Variants in HIF1AN observed in about 807,000 individuals in gnomAD.
HIF1AN encodes hypoxia inducible factor 1 subunit alpha inhibitor.
In HIF1AN, 21 loss-of-function variants were observed where a neutral mutation model predicts 47.7. The ratio of observed to expected loss-of-function variants is 0.44; its 90% CI spans 0.31 to 0.63. The LOEUF (loss-of-function observed/expected upper bound fraction) is 0.63. Ranked by LOEUF, HIF1AN falls within the 30% of genes least tolerant of loss-of-function variation. The probability of loss-of-function intolerance (pLI) is 0.07; values close to 1 mark genes in which losing one functional copy is unlikely to be tolerated. For missense variants in HIF1AN, 320 were observed against 432.7 expected (o/e 0.74, Z 2.31); for synonymous variants, 152 against 155.9 (o/e 0.98, Z 0.18).
intron 3 of HIF1AN, among the ~76,000 whole-genome samples, chr10:100,542,846 G>GTTTTTTTTTTTTTTTTTTT (rs397730143): frequency 8.9e-6 from 1 of 111,762 alleles, no homozygotes; most frequent in Non-Finnish European, 1.7e-5. Context: ...ATGTGAATGT[G>GTTTTTTTTTTTTTTTTTTT]TTTTTTTTTT....
rs1843165841 is a variant in HIF1AN, at chr10:100,551,947, C to T, written c.*3810C>T. 6.6e-6 allele frequency: 1 copy of T among 152,258 alleles called. No homozygotes were observed. 9.4% of individuals were successfully genotyped at this position (152,258 alleles called of 1,614,324 possible). On this transcript the variant is annotated 3_prime_UTR_variant, in exon 8 of 8. Transcript: ENST00000299163. ...AGCCTCTGGGCTCCCCCGAGAGGGC[C>T]TCGCTACTCTACGCTTCCTAGCAAC...
rs373812073 is a variant in HIF1AN, at chr10:100,558,446, AAC to A, written c.*10312_*10313del. 1.6e-3 allele frequency: 246 copies of A among 152,310 alleles called. No individual in the cohort carries two copies. Among genetic ancestry groups the A allele is most frequent in the African/African-American group, 5.4e-3 (226 of 41,566 alleles). 9.4% of individuals were successfully genotyped at this position (152,310 alleles called of 1,614,324 possible). ...TGACACCCCATCTCTTGAAAAAACA[AAC>A]ACTCTTAAGAGCAGTGGTTCACCTA... On this transcript the variant is annotated 3_prime_UTR_variant, in exon 8 of 8. Transcript: ENST00000299163.
chr10:100,539,752 A>T (rs2133722573), intron 2 of HIF1AN, among the ~76,000 whole-genome samples: 1 of 152,290 alleles, frequency 6.6e-6, no homozygotes, highest in South Asian at 2.1e-4. Context: ...GTAAATAAGC[A>T]AGCCTGGCTT....
chr10:100,545,144 A>C, intron 4 of HIF1AN, 48 bp downstream of exon 4: 1 of 1,580,900 alleles, frequency 6.3e-7, no homozygotes, highest in East Asian at 2.3e-5. Context: ...GATTCTAGTA[A>C]TGCCTAGGCT....
At chr10:100,546,803 G>T (rs1843098372) in intron 6 of HIF1AN, among the ~76,000 whole-genome samples, 1 of 151,988 alleles carries the variant, frequency 6.6e-6, no homozygotes, top group Non-Finnish European at 1.5e-5. Context: ...GCAGTGGCGT[G>T]ATCTCGGCTC....
Position 100,536,636 on chromosome 10 carries a change from A to G in HIF1AN, c.403A>G (p.Ile135Val). 1.2e-6 allele frequency: 2 copies of G among 1,614,240 alleles called. No individual in the cohort carries two copies. Among genetic ancestry groups the G allele is most frequent in the Non-Finnish European group, 8.5e-7 (1 of 1,180,040 alleles). The change falls in exon 2 of 8, where the codon ATA becomes GTA. Residue 135 changes from isoleucine to valine, a missense_variant. Transcript: ENST00000299163. ...TGAGTTCGTTGAGAAACTGCAGGATATACAGCAGCGAGGAGGGGAAGAGAG... is the reference window on the plus strand; with the variant it reads ...TGAGTTCGTTGAGAAACTGCAGGATGTACAGCAGCGAGGAGGGGAAGAGAG... ...FHEFVEKLQD[I>V]QQRGGEERLY... is the part of the protein sequence containing the mutation.
At chr10:100,542,024 G>C (rs1843038493) in intron 3 of HIF1AN, among the ~76,000 whole-genome samples, 1 of 151,262 alleles carries the variant, frequency 6.6e-6, no homozygotes, top group East Asian at 1.9e-4. Context: ...CCTAAATATA[G>C]AAAAGGTATA....
At position 100,550,318 on chromosome 10, in the gene HIF1AN, A is replaced by G. The variant is rs144087843; in HGVS notation, c.*2181A>G. ...TTGGGTAACACAAGAGTGATTCCTGATTTTTAGACACCTAATATGTGCCTA... is the reference window on the plus strand; with the variant it reads ...TTGGGTAACACAAGAGTGATTCCTGGTTTTTAGACACCTAATATGTGCCTA... On this transcript the variant is annotated 3_prime_UTR_variant, in exon 8 of 8. Transcript: ENST00000299163. 1.6e-3 allele frequency: 246 copies of G among 152,282 alleles called. No homozygotes were observed. Among genetic ancestry groups the G allele is most frequent in the African/African-American group, 5.4e-3 (226 of 41,552 alleles). 9.4% of individuals were successfully genotyped at this position (152,282 alleles called of 1,614,324 possible). A position where few individuals can be genotyped will look rare whatever the true frequency, so the allele number is the denominator to read the frequency against.
In HIF1AN at chr10:100,549,848, A is replaced by T. The variant is rs896500528; in HGVS notation, c.*1711A>T. The T allele has an allele frequency of 3.5e-4, 53 of 150,882 alleles. No individual in the cohort carries two copies. The highest frequency in any genetic ancestry group is 1.1e-3 in the African/African-American group (45 of 40,944). 9.3% of individuals were successfully genotyped at this position (150,882 alleles called of 1,614,324 possible). ...TATAGTGCACTGATGAACTGAGAGG[A>T]TGCGTGTGGATGTGTGTGCATGCCT... On this transcript the variant is annotated 3_prime_UTR_variant, in exon 8 of 8. Coordinates refer to ENST00000299163, the MANE Select transcript of HIF1AN (RefSeq NM_017902.3).
chr10:100,538,549 G>A (rs1472776862), intron 2 of HIF1AN, among the ~76,000 whole-genome samples: 1 of 152,088 alleles, frequency 6.6e-6, no homozygotes, highest in Non-Finnish European at 1.5e-5. Context: ...TTCCTATTAA[G>A]GCTGGGCATG....
At chr10:100,546,464 C>T (rs1843094970) in intron 5 of HIF1AN, 54 bp from the exon 6 acceptor site, 2 of 1,241,058 alleles carry the variant, frequency 1.6e-6, no homozygotes, top group African/African-American at 1.5e-5. Context: ...CTTCGCCCCT[C>T]CGCCCCCGCC....
At chr10:100,544,747 A>G (rs1843078103) in intron 3 of HIF1AN, among the ~76,000 whole-genome samples, 1 of 152,156 alleles carries the variant, frequency 6.6e-6, no homozygotes, top group Non-Finnish European at 1.5e-5. Flanking sequence ...TTAACCAGTG[A>G]TGTTTGCTAG....
rs1441207184 is a variant in HIF1AN, at chr10:100,555,052, C to T, written c.*6915C>T. 1 of 152,110 alleles carries T rather than the reference C, an allele frequency of 6.6e-6. No homozygotes were observed. Among genetic ancestry groups the T allele is most frequent in the Non-Finnish European group, 1.5e-5 (1 of 68,022 alleles). The allele number at this position is 152,110 out of a possible 1,614,324, so 9.4% of individuals were successfully genotyped here. A position where few individuals can be genotyped will look rare whatever the true frequency, so the allele number is the denominator to read the frequency against. ...TGTCCAGTTTTTTATGGTAGGCTTCCTGCAGAAAGTGATAAGTCCAAGCTG... is the reference window on the plus strand; with the variant it reads ...TGTCCAGTTTTTTATGGTAGGCTTCTTGCAGAAAGTGATAAGTCCAAGCTG... On this transcript the variant is annotated 3_prime_UTR_variant, in exon 8 of 8. Transcript: ENST00000299163.
At position 100,555,738 on chromosome 10, in the gene HIF1AN, CT is replaced by C. The variant is rs1476843640; in HGVS notation, c.*7602del. 6.6e-6 allele frequency: 1 copy of C among 152,248 alleles called. No homozygotes were observed. Among genetic ancestry groups the C allele is most frequent in the Admixed American group, 6.5e-5 (1 of 15,280 alleles). 9.4% of individuals were successfully genotyped at this position (152,248 alleles called of 1,614,324 possible). ...TTGGAAACCTTCTCTTTGGCTCTAG[CT>C]AATTTTGCTGTTTTATTCCGTTTAC... On this transcript the variant is annotated 3_prime_UTR_variant, in exon 8 of 8. Transcript: ENST00000299163.
At chr10:100,540,351 A>C (rs1843014140) in intron 2 of HIF1AN, among the ~76,000 whole-genome samples, 1 of 152,114 alleles carries the variant, frequency 6.6e-6, no homozygotes, top group Admixed American at 6.5e-5. Flanking sequence ...GCTTGAGCCC[A>C]AGAGTTTAAG....
chr10:100,536,122 T>G lies in HIF1AN; in HGVS notation c.164T>G (p.Leu55Arg). Residue 55 changes from leucine (L) to arginine (R), a missense_variant, in exon 1 of 8, where the codon CTT becomes CGT. Leu to Arg is a moderately radical substitution (Grantham distance 102, BLOSUM62 -2). Coordinates refer to ENST00000299163, the MANE Select transcript of HIF1AN (RefSeq NM_017902.3). Reference sequence around the variant, plus strand: ...CAGAGCGACCCCCGGGCAGAGGAGCTTATTGAGAATGAGGTGGGGGGCGGG... The same window carrying G: ...CAGAGCGACCCCCGGGCAGAGGAGCGTATTGAGAATGAGGTGGGGGGCGGG... ...LSQSDPRAEE[L>R]IENEEPVVLT... is the part of the protein sequence containing the mutation. The G allele has an allele frequency of 6.3e-7, 1 of 1,599,476 alleles. No individual in the cohort carries two copies. The highest frequency in any genetic ancestry group is 8.5e-7 in the Non-Finnish European group (1 of 1,172,722).
chr10:100,538,818 CA>C (rs537239935), intron 2 of HIF1AN, among the ~76,000 whole-genome samples: 1,305 of 68,374 alleles, frequency 0.019, 18 homozygotes, highest in African/African-American at 0.062. Flanking sequence ...GACTCCGTCT[CA>C]AAAAAAAAAA....
Position 100,550,602 on chromosome 10 carries a change from G to A in HIF1AN, c.*2465G>A, listed in dbSNP as rs17113202. 2 of 152,208 alleles carry A rather than the reference G, an allele frequency of 1.3e-5. No homozygotes were observed. Among genetic ancestry groups the A allele is most frequent in the Non-Finnish European group, 2.9e-5 (2 of 68,052 alleles). The allele number at this position is 152,208 out of a possible 1,614,324, so 9.4% of individuals were successfully genotyped here. A position where few individuals can be genotyped will look rare whatever the true frequency, so the allele number is the denominator to read the frequency against. Reference sequence around the variant, plus strand: ...GAAGGCAGACCCAGCCCAAGATGGTGCAGAATATACAGCTCAGGGTGAAAG... The same window carrying A: ...GAAGGCAGACCCAGCCCAAGATGGTACAGAATATACAGCTCAGGGTGAAAG... On this transcript the variant is annotated 3_prime_UTR_variant, in exon 8 of 8. Coordinates refer to ENST00000299163, the MANE Select transcript of HIF1AN (RefSeq NM_017902.3).
At chr10:100,547,789 C>T (rs1469071915) in intron 7 of HIF1AN, among the ~76,000 whole-genome samples, 1 of 152,196 alleles carries the variant, frequency 6.6e-6, no homozygotes, top group African/African-American at 2.4e-5. Context: ...AACATATAGA[C>T]ACTCTTGGGT....
Sources: gnomAD v4.1 joint callset for allele counts (sites outside exome capture counted in the v4.1 genomes callset) on GRCh38, gnomAD v4.1.1 for gene constraint, MANE v1.5 for transcripts, NCBI Gene and HGNC (gene_info 2026-07-23, HGNC 2026-07-21) for gene names.